MYLK3: variants seen among roughly 807,000 people sequenced by gnomAD.
MYLK3 encodes MLC kinase.
MYLK3 carries 55 observed loss-of-function variants against 76.3 expected under a neutral mutation model. That is an observed-to-expected ratio of 0.72 (90% CI 0.58 to 0.90). MYLK3 has a LOEUF of 0.90. MYLK3 is among the 40% of genes least tolerant of loss of function. The pLI is 0.00. For missense variants in MYLK3, 973 were observed against 1,053.6 expected, an observed-to-expected ratio of 0.92 and a Z score of 1.06; for synonymous variants, 416 against 425.4, an observed-to-expected ratio of 0.98 and a Z score of 0.27.
At position 46,707,647 on chromosome 16, in the gene MYLK3, T is replaced by G; in HGVS notation, c.*57A>C. ...TTATTTAAATGTTTGAGTCATCTCT[T>G]CACTTCACCACTGGCCTCAGTAATT... On this transcript the variant is annotated 3_prime_UTR_variant, in exon 13 of 13. Transcript: ENST00000394809. 1.7e-6 allele frequency: 2 copies of G among 1,195,278 alleles called. No homozygotes were observed. The highest frequency in any genetic ancestry group is 2.1e-5 in the Admixed American group (1 of 47,252). The allele number at this position is 1,195,278 out of a possible 1,614,324, so 74.0% of individuals were successfully genotyped here.
At chr16:46,762,904 C>T (rs958854691) in intron 1 of MYLK3, 30 of 606,264 alleles carry the variant, frequency 4.9e-5, no homozygotes, top group Non-Finnish European at 6.2e-5. Context: ...GCACTTGCAA[C>T]CAAGAGCTGC....
In MYLK3 at chr16:46,727,305, C is replaced by G; in HGVS notation, c.1845G>C (p.Leu615=). The G allele has an allele frequency of 1.2e-6, 2 of 1,614,144 alleles. No individual in the cohort carries two copies. The highest frequency in any genetic ancestry group is 1.7e-6 in the Non-Finnish European group (2 of 1,179,968). Residue 615 remains leucine (L), a synonymous_variant, in exon 8 of 13, where the codon CTG becomes CTC. Coordinates refer to ENST00000394809, the MANE Select transcript of MYLK3 (RefSeq NM_182493.3). ...CACCCTCACAGATCTGCCTGGTGAA[C>G]AGGACCACATCCAGCTCAGTCAGGT... The part of the protein sequence containing the change: ...KYHLTELDVV[L]FTRQICEGVH...
chr16:46,758,700 G>A (rs897298045), intron 1 of MYLK3, among the ~76,000 whole-genome samples: 2 of 152,186 alleles, frequency 1.3e-5, no homozygotes, highest in Admixed American at 1.3e-4. Context: ...GCCCAGAGAT[G>A]GGAAGGGGCT....
chr16:46,727,190 GC>G, intron 8 of MYLK3, 45 bp downstream of exon 8: 1 of 1,597,580 alleles, frequency 6.3e-7, no homozygotes, highest in Middle Eastern at 1.7e-4. Context: ...CACGCCAGGA[GC>G]TAGGACACCA....
intron 3 of MYLK3, among the ~76,000 whole-genome samples, chr16:46,736,928 G>T (rs1034935525): frequency 6.6e-6 from 1 of 152,154 alleles, no homozygotes; most frequent in Non-Finnish European, 1.5e-5. Context: ...TCTGCCTGCC[G>T]AGAGCAGGTC....
chr16:46,754,620 C>G (rs187078654), intron 1 of MYLK3, among the ~76,000 whole-genome samples: 3 of 152,354 alleles, frequency 2.0e-5, no homozygotes, highest in Non-Finnish European at 2.9e-5. Context: ...GCCCCTCAAC[C>G]TTGGACTTCT....
chr16:46,723,240 T>C (rs1004276676), intron 8 of MYLK3, among the ~76,000 whole-genome samples: 2 of 152,228 alleles, frequency 1.3e-5, no homozygotes, highest in African/African-American at 4.8e-5. Flanking sequence ...ATAAAAGATA[T>C]GGCCTTTCAT....
chr16:46,732,160 C>T, intron 4 of MYLK3, 48 bp downstream of exon 4: 1 of 1,475,328 alleles, frequency 6.8e-7, no homozygotes, highest in South Asian at 1.3e-5. Context: ...GGGCTCCAAA[C>T]TCCCTCCCCT....
In MYLK3 at chr16:46,707,015, T is replaced by G. The variant is rs981814672; in HGVS notation, c.*689A>C. 3 of 152,190 alleles carry G rather than the reference T, an allele frequency of 2.0e-5. No homozygotes were observed. The highest frequency in any genetic ancestry group is 7.2e-5 in the African/African-American group (3 of 41,434). The allele number at this position is 152,190 out of a possible 1,614,324, so 9.4% of individuals were successfully genotyped here. A position where few individuals can be genotyped will look rare whatever the true frequency, so the allele number is the denominator to read the frequency against. ...TCTCTTTCATAAATTGCCTATCAGC[T>G]TCCAGACTTACAAGACCAGAAATTT... On this transcript the variant is annotated 3_prime_UTR_variant, in exon 13 of 13. Coordinates refer to ENST00000394809, the MANE Select transcript of MYLK3 (RefSeq NM_182493.3).
At position 46,737,753 on chromosome 16, in the gene MYLK3, G is replaced by T; in HGVS notation, c.959C>A (p.Ala320Asp). The change falls in exon 3 of 13, where the codon GCC (alanine) becomes GAC (aspartate). Residue 320 changes from alanine to aspartate, a missense_variant. Physicochemically the swap from Ala to Asp is moderately radical, Grantham distance 126 (BLOSUM62 -2). Transcript: ENST00000394809. ...ACCACTGTGGGTTGCCCTGGCCTGGGCTGGCAGCCCTGGAGGCCCTGGGCA... is the reference window on the plus strand; with the variant it reads ...ACCACTGTGGGTTGCCCTGGCCTGGTCTGGCAGCCCTGGAGGCCCTGGGCA... ...PQCPGPPGLP[A>D]QARATHSGGE... The T allele has an allele frequency of 6.2e-7, 1 of 1,610,018 alleles. No individual in the cohort carries two copies. Among genetic ancestry groups the T allele is most frequent in the Non-Finnish European group, 8.5e-7 (1 of 1,178,730 alleles).
chr16:46,735,089 C>T lies in MYLK3; in HGVS notation c.1002-2421G>A, dbSNP rs150823928. 1.7e-4 allele frequency among the ~76,000 whole-genome samples: 25 copies of T among 150,912 alleles called. 1 individual carries two copies. The East Asian group carries it at 5.0e-3, about 30-fold the overall frequency. On this transcript the variant is annotated intron_variant, in intron 3 of 12. Coordinates refer to ENST00000394809, the MANE Select transcript of MYLK3 (RefSeq NM_182493.3). ...CCGAGAAGTGGAGGCTGAAGTGAGCCGAGATGGCACCACTGCACTCCAGCC... is the reference window on the plus strand; with the variant it reads ...CCGAGAAGTGGAGGCTGAAGTGAGCTGAGATGGCACCACTGCACTCCAGCC...
Position 46,729,665 on chromosome 16 carries a change from T to G in MYLK3, c.1591A>C (p.Arg531=). The G allele has an allele frequency of 6.2e-7, 1 of 1,613,682 alleles. No homozygotes were observed. Among genetic ancestry groups the G allele is most frequent in the East Asian group, 2.2e-5 (1 of 44,872 alleles). Residue 531 remains arginine, a synonymous_variant, in exon 6 of 13, where the codon AGG becomes CGG. Transcript: ENST00000394809. ...AGGCCTGTGGACTTCTCTGTGCACC[T>G]GTGGACCTGGCCAAACCGACCCCTG... The part of the protein sequence containing the change: ...LGGGRFGQVH[R]CTEKSTGLPL...
At chr16:46,709,457 G>T in intron 12 of MYLK3, 82 bp downstream of exon 12, 19 of 1,149,506 alleles carry the variant, frequency 1.7e-5, no homozygotes, top group East Asian at 2.5e-5. Context: ...AAAAAAAAAA[G>T]AAAAGGAAAC....
chr16:46,730,149 C>T lies in MYLK3; in HGVS notation c.1568+444G>A, dbSNP rs543836664. ...GCACCTGAAGGAACATCCCCCTCAC[C>T]GCACACCACCTGGGCCATCCTGCAC... On this transcript the variant is annotated intron_variant, in intron 5 of 12. Transcript: ENST00000394809. Among the ~76,000 whole-genome samples the T allele has an allele frequency of 4.6e-5, 7 of 151,642 alleles. No individual in the cohort carries two copies. The South Asian group carries it at 8.3e-4, about 18-fold the overall frequency.
intron 1 of MYLK3, among the ~76,000 whole-genome samples, chr16:46,741,903 TG>T (rs1291796294): frequency 6.6e-6 from 1 of 152,088 alleles, no homozygotes; most frequent in African/African-American, 2.4e-5. Flanking sequence ...CACGAGTAGC[TG>T]GGACTACAGG....
At position 46,702,293 on chromosome 16, in the gene MYLK3, TTC is replaced by T. The variant is rs1966581577; in HGVS notation, c.*5409_*5410del. On this transcript the variant is annotated 3_prime_UTR_variant, in exon 13 of 13. Transcript: ENST00000394809. ...TCTTGGAAGCTCACTTCTTTAACCG[TTC>T]TTCATGGTTTATTTAACTGATTAAA... Among the ~76,000 whole-genome samples the T allele has an allele frequency of 6.6e-6, 1 of 152,146 alleles. No individual in the cohort carries two copies. The highest frequency in any genetic ancestry group is 2.4e-5 in the African/African-American group (1 of 41,438).
chr16:46,758,320 T>A (rs1157918415), intron 1 of MYLK3, among the ~76,000 whole-genome samples: 1,562 of 147,856 alleles, frequency 0.011, 16 homozygotes, highest in African/African-American at 0.034. Context: ...TCTCTCTCTC[T>A]CTCTCTCTCT....
intron 1 of MYLK3, among the ~76,000 whole-genome samples, chr16:46,757,801 G>A (rs757990215): frequency 2.0e-5 from 3 of 152,186 alleles, no homozygotes; most frequent in East Asian, 1.9e-4. Context: ...AACAAACACC[G>A]TGTGGTCCAA....
intron 3 of MYLK3, among the ~76,000 whole-genome samples, chr16:46,735,486 A>G (rs1008023462): frequency 2.0e-5 from 3 of 152,136 alleles, no homozygotes; most frequent in African/African-American, 7.2e-5. Flanking sequence ...GATTACAAGC[A>G]TGAGCCACTG....
Sources: allele counts gnomAD v4.1 joint callset (sites outside exome capture counted in the v4.1 genomes callset), GRCh38; gene constraint gnomAD v4.1.1; transcripts MANE v1.5; gene names NCBI Gene and HGNC (gene_info 2026-07-23, HGNC 2026-07-21).